The following TFEC variants were observed in gnomAD, a reference collection of about 807,000 sequenced individuals.
The protein encoded by TFEC is transcription factor EC.
Under a neutral mutation model 41.6 loss-of-function variants are expected in TFEC, and 31 were observed. That is an observed-to-expected ratio of 0.74 (90% CI 0.56 to 1.01). The LOEUF (loss-of-function observed/expected upper bound fraction) is 1.01. TFEC is among the 50% of genes least tolerant of loss of function. The pLI, the probability that TFEC is intolerant of heterozygous loss-of-function variation, is 0.00. For missense variants in TFEC, 402 were observed against 404.1 expected (o/e 0.99, Z 0.04); for synonymous variants, 143 against 140.6 (o/e 1.02, Z -0.12).
intron 5 of TFEC, among the ~76,000 whole-genome samples, chr7:115,954,253 C>T (rs576014579): frequency 8.5e-5 from 13 of 152,148 alleles, no homozygotes; most frequent in African/African-American, 3.1e-4. Context: ...AAATGTTGTA[C>T]ATTTTCAAAA....
chr7:116,141,404 T>C (rs906885408), intron 1 of TFEC, among the ~76,000 whole-genome samples: 5 of 152,208 alleles, frequency 3.3e-5, no homozygotes, highest in African/African-American at 1.2e-4. Context: ...TACAATGTTG[T>C]CTTGCAACAA....
intron 4 of TFEC, among the ~76,000 whole-genome samples, chr7:115,955,325 A>AGTATG (rs951060165): frequency 5.3e-5 from 8 of 152,098 alleles, no homozygotes; most frequent in Non-Finnish European, 1.0e-4. Flanking sequence ...GGAAATGACT[A>AGTATG]GTATGGTATC....
Position 116,073,976 on chromosome 7 carries a change from T to C in TFEC, c.198+36732A>G, listed in dbSNP as rs183965427. Among the ~76,000 whole-genome samples the C allele has an allele frequency of 3.7e-3, 562 of 151,916 alleles. 3 individuals are homozygous for C. Among genetic ancestry groups the C allele is most frequent in the Non-Finnish European group, 4.5e-3 (304 of 67,828 alleles). On this transcript the variant is annotated intron_variant, in intron 3 of 8. Coordinates refer to the TFEC transcript ENST00000484212. ...CAGACAATAAAATGGCAAATAATTA[T>C]CTCTTCAACAAATGGTACAGGGACA...
At chr7:115,969,781 G>C (rs1346159128) in intron 3 of TFEC, among the ~76,000 whole-genome samples, 1 of 151,938 alleles carries the variant, frequency 6.6e-6, no homozygotes. Context: ...GCTGTAGGGA[G>C]AGATGATGGA....
chr7:115,948,489 G>A (rs1168027780), intron 6 of TFEC, among the ~76,000 whole-genome samples: 2 of 152,110 alleles, frequency 1.3e-5, no homozygotes, highest in Non-Finnish European at 2.9e-5. Flanking sequence ...ACATCAAAAA[G>A]CGTATCCACC....
chr7:116,015,108 ATATAAT>A (rs1346081314), intron 1 of TFEC, among the ~76,000 whole-genome samples: 1 of 149,398 alleles, frequency 6.7e-6, no homozygotes, highest in Non-Finnish European at 1.5e-5. Context: ...TATATTTATA[ATATAAT>A]TATAAATTAT....
intron 1 of TFEC, among the ~76,000 whole-genome samples, chr7:115,996,273 A>G (rs1243987043): frequency 1.3e-5 from 2 of 152,088 alleles, no homozygotes; most frequent in Non-Finnish European, 2.9e-5. Context: ...AACAAGGCAG[A>G]GTCTCGAGGC....
At chr7:116,061,294 C>A (rs1427978983) in intron 3 of TFEC, among the ~76,000 whole-genome samples, 1 of 151,912 alleles carries the variant, frequency 6.6e-6, no homozygotes, top group Non-Finnish European at 1.5e-5. Context: ...ATAGGGAGTC[C>A]AGAAATGGAT....
At chr7:116,111,305 G>A (rs1263279638) in intron 2 of TFEC, among the ~76,000 whole-genome samples, 1 of 151,966 alleles carries the variant, frequency 6.6e-6, no homozygotes, top group African/African-American at 2.4e-5. Flanking sequence ...TCTGTTTTCT[G>A]TTCACCCACT....
At chr7:116,155,233 T>C (rs1798845300) in intron 1 of TFEC, among the ~76,000 whole-genome samples, 1 of 152,218 alleles carries the variant, frequency 6.6e-6, no homozygotes, top group South Asian at 2.1e-4. Flanking sequence ...TCTGAGGAAT[T>C]AGAGATAGCT....
At chr7:116,004,762 G>T (rs1202083584) in intron 1 of TFEC, among the ~76,000 whole-genome samples, 7 of 151,676 alleles carry the variant, frequency 4.6e-5, no homozygotes, top group African/African-American at 1.7e-4. Flanking sequence ...AGTTGGTAAG[G>T]AAGAGAAAAA....
chr7:116,081,175 C>T (rs1797081527), intron 3 of TFEC, among the ~76,000 whole-genome samples: 1 of 151,662 alleles, frequency 6.6e-6, no homozygotes, highest in Non-Finnish European at 1.5e-5. Context: ...TATGAGGACA[C>T]AAATGCATAA....
At chr7:116,150,493 G>T (rs1022134253) in intron 1 of TFEC, among the ~76,000 whole-genome samples, 2 of 151,726 alleles carry the variant, frequency 1.3e-5, no homozygotes, top group African/African-American at 4.8e-5. Context: ...GGAGAAACTA[G>T]AACTATAATT....
At chr7:115,992,781 A>C (rs899522733) in intron 1 of TFEC, among the ~76,000 whole-genome samples, 2 of 152,200 alleles carry the variant, frequency 1.3e-5, no homozygotes, top group Admixed American at 6.5e-5. Context: ...AGGTACAAAG[A>C]GGAGCTGGTA....
At chr7:116,042,308 TGAAGA>T (rs1796057364) in intron 3 of TFEC, among the ~76,000 whole-genome samples, 1 of 152,228 alleles carries the variant, frequency 6.6e-6, no homozygotes, top group South Asian at 2.1e-4. Flanking sequence ...GCATTGTATA[TGAAGA>T]GAAAACAACT....
chr7:116,031,630 T>C (rs970691848), upstream of TFEC, among the ~76,000 whole-genome samples: 1 of 152,196 alleles, frequency 6.6e-6, no homozygotes, highest in Non-Finnish European at 1.5e-5. Flanking sequence ...GCTACTGAAG[T>C]TTAATGTGAA....
At chr7:116,144,687 G>A (rs911384703) in intron 1 of TFEC, among the ~76,000 whole-genome samples, 3 of 152,058 alleles carry the variant, frequency 2.0e-5, no homozygotes, top group Non-Finnish European at 2.9e-5. Context: ...TTTGAATAAA[G>A]AAAATTAATC....
intron 3 of TFEC, among the ~76,000 whole-genome samples, chr7:116,068,032 T>A (rs990119678): frequency 3.3e-5 from 5 of 151,828 alleles, no homozygotes; most frequent in Non-Finnish European, 4.4e-5. Context: ...AAAAAATAAG[T>A]CCATAAAAAT....
At chr7:116,121,697 G>T (rs567781737) in intron 1 of TFEC, among the ~76,000 whole-genome samples, 2 of 152,038 alleles carry the variant, frequency 1.3e-5, no homozygotes, top group Admixed American at 1.3e-4. Flanking sequence ...CAGAGGTCAG[G>T]GTGCCAAATG....
Sources: allele counts gnomAD v4.1 joint callset (sites outside exome capture counted in the v4.1 genomes callset), GRCh38; gene constraint gnomAD v4.1.1; transcripts MANE v1.5; gene names NCBI Gene and HGNC (gene_info 2026-07-23, HGNC 2026-07-21).